Variants in NRXN1 observed in about 807,000 individuals in gnomAD.
The protein encoded by NRXN1 is neurexin 1.
A neutral mutation model predicts 150.9 loss-of-function variants in NRXN1; 39 were observed. That is an observed-to-expected ratio of 0.26 (90% CI 0.20 to 0.34). The LOEUF is 0.34. Ranked by LOEUF, NRXN1 falls within the 10% of genes least tolerant of loss-of-function variation. The probability of loss-of-function intolerance (pLI) is 1.00; values close to 1 mark genes in which losing one functional copy is unlikely to be tolerated. For missense variants in NRXN1, 1,815 were observed against 1,949.9 expected, an observed-to-expected ratio of 0.93 and a Z score of 1.30; for synonymous variants, 924 against 757.0, an observed-to-expected ratio of 1.22 and a Z score of -3.62.
intron 5 of NRXN1, among the ~76,000 whole-genome samples, chr2:50,690,589 A>G (rs1407653916): frequency 1.3e-5 from 2 of 152,214 alleles, no homozygotes; most frequent in Admixed American, 6.5e-5. Flanking sequence ...GGGTTTGAGA[A>G]TAAGTGTAAT....
chr2:50,182,388 G>C (rs1342995802), intron 18 of NRXN1, among the ~76,000 whole-genome samples: 1 of 151,974 alleles, frequency 6.6e-6, no homozygotes, highest in Non-Finnish European at 1.5e-5. Context: ...TGCGGGTGTT[G>C]GTAAAGCTGA....
In NRXN1 at chr2:49,995,879, AAAAAG is replaced by A. The variant is rs1241500518; in HGVS notation, c.4129-52093_4129-52089del. On this transcript the variant is annotated intron_variant, in intron 21 of 22. Transcript: ENST00000401669. ...TGGATAGTAAAAAAAAAAAAAAAAAAAAAAGAAAAAAGGATTTAGAGAGCCTAAGT... is the reference window on the plus strand; with the variant it reads ...TGGATAGTAAAAAAAAAAAAAAAAAAAAAAAAGGATTTAGAGAGCCTAAGT... Among the ~76,000 whole-genome samples the A allele has an allele frequency of 1.7e-3, 236 of 140,484 alleles. 12 individuals are homozygous for A. Among genetic ancestry groups the A allele is most frequent in the Middle Eastern group, 3.5e-3 (1 of 284 alleles). The allele number at this position is 140,484 out of a possible 152,430, so 92.2% of individuals were successfully genotyped here.
chr2:50,556,439 T>C (rs1558931992), intron 8 of NRXN1, among the ~76,000 whole-genome samples: 1 of 152,120 alleles, frequency 6.6e-6, no homozygotes, highest in African/African-American at 2.4e-5. Flanking sequence ...ATCATAACAA[T>C]TGATGATATT....
intron 17 of NRXN1, among the ~76,000 whole-genome samples, chr2:50,451,200 C>A (rs1224615213): frequency 6.6e-6 from 1 of 152,180 alleles, no homozygotes; most frequent in Non-Finnish European, 1.5e-5. Flanking sequence ...AACTCCCAGG[C>A]TCAAGCGATC....
chr2:50,548,662 T>C (rs1369585616), intron 9 of NRXN1, among the ~76,000 whole-genome samples: 1 of 152,094 alleles, frequency 6.6e-6, no homozygotes, highest in Non-Finnish European at 1.5e-5. Context: ...TACTAGAAAC[T>C]GTGGATAAAA....
intron 17 of NRXN1, among the ~76,000 whole-genome samples, chr2:50,253,383 C>T (rs2067356722): frequency 6.6e-6 from 1 of 152,120 alleles, no homozygotes; most frequent in Admixed American, 6.6e-5. Context: ...TTCCTTTCTT[C>T]CTATTTGAAT....
intron 5 of NRXN1, among the ~76,000 whole-genome samples, chr2:50,734,615 C>T (rs1698491025): frequency 1.3e-5 from 2 of 151,872 alleles, no homozygotes; most frequent in South Asian, 2.1e-4. Context: ...CATATAAGGT[C>T]CTAAATTCAC....
intron 9 of NRXN1, among the ~76,000 whole-genome samples, chr2:50,544,114 C>A (rs771099662): frequency 2.0e-5 from 3 of 151,982 alleles, no homozygotes; most frequent in Non-Finnish European, 4.4e-5. Context: ...TTTATCTATA[C>A]TTAATTCTGC....
At chr2:49,984,893 G>T (rs988937349) in intron 21 of NRXN1, among the ~76,000 whole-genome samples, 4 of 152,160 alleles carry the variant, frequency 2.6e-5, no homozygotes, top group African/African-American at 9.7e-5. Flanking sequence ...TTCTTATTTG[G>T]TGACTTGGTA....
intron 17 of NRXN1, among the ~76,000 whole-genome samples, chr2:50,443,790 C>T (rs1253982780): frequency 6.6e-6 from 1 of 152,128 alleles, no homozygotes; most frequent in Non-Finnish European, 1.5e-5. Context: ...TATTTGTGTT[C>T]ATGGACTAAA....
At chr2:50,494,913 C>T (rs2091471457) in intron 15 of NRXN1, among the ~76,000 whole-genome samples, 1 of 151,904 alleles carries the variant, frequency 6.6e-6, no homozygotes, top group South Asian at 2.1e-4. Flanking sequence ...TGCCTGTAAT[C>T]CCAGCTACTT....
chr2:50,443,528 A>T (rs2086148790), intron 17 of NRXN1, among the ~76,000 whole-genome samples: 1 of 152,194 alleles, frequency 6.6e-6, no homozygotes, highest in African/African-American at 2.4e-5. Flanking sequence ...TACCGAGTAG[A>T]AAGGGAACTT....
chr2:50,764,028 T>G (rs2105403025), intron 5 of NRXN1, among the ~76,000 whole-genome samples: 1 of 151,778 alleles, frequency 6.6e-6, no homozygotes, highest in South Asian at 2.1e-4. Flanking sequence ...GCCCTTTTTT[T>G]TTTTTTGCTA....
intron 2 of NRXN1, among the ~76,000 whole-genome samples, chr2:50,966,436 C>T (rs547030308): frequency 5.9e-5 from 9 of 151,548 alleles, no homozygotes; most frequent in South Asian, 2.1e-4. Flanking sequence ...CTGACAATAA[C>T]GGAGGGCCTT....
chr2:50,550,622 T>G (rs764183971), intron 9 of NRXN1, among the ~76,000 whole-genome samples: 6 of 151,820 alleles, frequency 4.0e-5, no homozygotes, highest in Non-Finnish European at 5.9e-5. Context: ...ACTCTATTAT[T>G]ATTGTTATAT....
At chr2:50,317,408 T>C (rs746705135) in intron 17 of NRXN1, among the ~76,000 whole-genome samples, 9 of 151,920 alleles carry the variant, frequency 5.9e-5, no homozygotes, top group Non-Finnish European at 1.3e-4. Context: ...AAATGATAAC[T>C]AGATTTACAA....
intron 8 of NRXN1, among the ~76,000 whole-genome samples, chr2:50,578,382 T>A (rs1269333790): frequency 5.9e-5 from 9 of 152,184 alleles, no homozygotes; most frequent in Admixed American, 5.9e-4. Flanking sequence ...GCTGCATTTG[T>A]ACAGCAAGCC....
At chr2:50,995,249 G>A (rs996103729) in intron 2 of NRXN1, among the ~76,000 whole-genome samples, 1 of 151,948 alleles carries the variant, frequency 6.6e-6, no homozygotes, top group Non-Finnish European at 1.5e-5. Flanking sequence ...CTGAGACACA[G>A]AGAGTAGTTG....
intron 17 of NRXN1, among the ~76,000 whole-genome samples, chr2:50,416,320 G>T (rs1179378705): frequency 6.6e-6 from 1 of 151,950 alleles, no homozygotes; most frequent in African/African-American, 2.4e-5. Context: ...AAAGTAAAAG[G>T]TTGGGAGAAC....
Sources: gnomAD v4.1 joint callset for allele counts (sites outside exome capture counted in the v4.1 genomes callset) on GRCh38, gnomAD v4.1.1 for gene constraint, MANE v1.5 for transcripts, NCBI Gene and HGNC (gene_info 2026-07-23, HGNC 2026-07-21) for gene names.